The following CFAP299 variants were observed in gnomAD, a reference collection of about 807,000 sequenced individuals.
CFAP299 encodes cilia- and flagella-associated protein 299.
A neutral mutation model predicts 27.0 loss-of-function variants in CFAP299; 21 were observed. The ratio of observed to expected loss-of-function variants is 0.78; its 90% CI spans 0.55 to 1.12. CFAP299 has a LOEUF of 1.12. Among genes scored for constraint, CFAP299 ranks in the 50% most tolerant of loss-of-function variants. The pLI, the probability that CFAP299 is intolerant of heterozygous loss-of-function variation, is 0.00. For missense variants in CFAP299, 310 were observed against 276.6 expected, an observed-to-expected ratio of 1.12 and a Z score of -0.86; for synonymous variants, 104 against 98.1, an observed-to-expected ratio of 1.06 and a Z score of -0.36.
chr4:80,558,544 A>G lies in CFAP299; in HGVS notation c.243-24549A>G, dbSNP rs147491288. Among the ~76,000 whole-genome samples the G allele has an allele frequency of 2.6e-5, 4 of 151,986 alleles. No individual in the cohort carries two copies. The East Asian group carries it at 5.8e-4, about 22-fold the overall frequency. Reference sequence around the variant, plus strand: ...GAAGGCACAGATCAACACAAACTTGAGGTTAACTCTTGACTCAGAATAGTT... The same window carrying G: ...GAAGGCACAGATCAACACAAACTTGGGGTTAACTCTTGACTCAGAATAGTT... On this transcript the variant is annotated intron_variant, in intron 2 of 5. Coordinates refer to ENST00000358105, the MANE Select transcript of CFAP299 (RefSeq NM_152770.3).
At chr4:80,798,471 G>A (rs1381109026) in intron 3 of CFAP299, among the ~76,000 whole-genome samples, 2 of 152,238 alleles carry the variant, frequency 1.3e-5, no homozygotes, top group South Asian at 4.2e-4. Flanking sequence ...CCCATTCCAT[G>A]TTGGAGGATC....
chr4:80,359,851 A>G (rs1723455605), intron 1 of CFAP299, among the ~76,000 whole-genome samples: 1 of 152,080 alleles, frequency 6.6e-6, no homozygotes, highest in Admixed American at 6.5e-5. Context: ...CCTGTTCACA[A>G]CCCTTGCTGG....
chr4:80,552,847 C>A (rs1425150267), intron 2 of CFAP299, among the ~76,000 whole-genome samples: 1 of 151,994 alleles, frequency 6.6e-6, no homozygotes, highest in Non-Finnish European at 1.5e-5. Flanking sequence ...GCCACCATGT[C>A]CAGCTAATTT....
intron 1 of CFAP299, among the ~76,000 whole-genome samples, chr4:80,351,662 A>G (rs1164465198): frequency 1.3e-5 from 2 of 151,990 alleles, no homozygotes; most frequent in Non-Finnish European, 2.9e-5. Context: ...TCAATTTAAA[A>G]GCAGAGATGG....
chr4:80,556,109 C>T (rs960182320), intron 2 of CFAP299, among the ~76,000 whole-genome samples: 3 of 152,036 alleles, frequency 2.0e-5, no homozygotes, highest in Non-Finnish European at 4.4e-5. Context: ...GCAATCAACT[C>T]CTATTCTACT....
At chr4:80,366,121 T>A (rs892891677) in intron 2 of CFAP299, among the ~76,000 whole-genome samples, 5 of 152,314 alleles carry the variant, frequency 3.3e-5, no homozygotes, top group African/African-American at 1.2e-4. Flanking sequence ...GCAGATGGTG[T>A]CCTAGAGCCA....
intron 4 of CFAP299, among the ~76,000 whole-genome samples, chr4:80,878,353 A>T (rs1390753697): frequency 1.3e-5 from 2 of 151,904 alleles, no homozygotes; most frequent in Non-Finnish European, 2.9e-5. Flanking sequence ...TATTTTCTTT[A>T]TACTGGGAGA....
chr4:80,608,887 GTGTA>G (rs1319708689), intron 3 of CFAP299, among the ~76,000 whole-genome samples: 3 of 140,034 alleles, frequency 2.1e-5, no homozygotes, highest in East Asian at 2.1e-4. Flanking sequence ...GTGTGTGTGT[GTGTA>G]TGTGCACAGA....
intron 2 of CFAP299, among the ~76,000 whole-genome samples, chr4:80,501,797 C>G (rs1731760697): frequency 6.6e-6 from 1 of 151,380 alleles, no homozygotes; most frequent in South Asian, 2.1e-4. Context: ...ATAGGGAAAA[C>G]AAAGCATACA....
At chr4:80,894,772 A>G (rs752060461) in intron 4 of CFAP299, among the ~76,000 whole-genome samples, 19 of 151,868 alleles carry the variant, frequency 1.3e-4, no homozygotes, top group Non-Finnish European at 2.5e-4. Flanking sequence ...TTTCTAAGGT[A>G]CAGATATGTG....
At chr4:80,920,678 A>G (rs939617253) in intron 4 of CFAP299, among the ~76,000 whole-genome samples, 14 of 152,094 alleles carry the variant, frequency 9.2e-5, no homozygotes, top group Non-Finnish European at 1.5e-4. Flanking sequence ...CTTACATGTA[A>G]TGTCCAGAAT....
intron 2 of CFAP299, among the ~76,000 whole-genome samples, chr4:80,540,957 G>A (rs1733968713): frequency 6.6e-6 from 1 of 152,010 alleles, no homozygotes; most frequent in South Asian, 2.1e-4. Flanking sequence ...AATTACCAGA[G>A]CCTCTAACCA....
intron 3 of CFAP299, among the ~76,000 whole-genome samples, chr4:80,665,121 T>C (rs1345272958): frequency 6.6e-6 from 1 of 152,164 alleles, no homozygotes; most frequent in Admixed American, 6.5e-5. Context: ...AGAAATCACC[T>C]ACCTTCTGCA....
At chr4:80,447,140 T>TTTTTG (rs1728668913) in intron 2 of CFAP299, among the ~76,000 whole-genome samples, 2 of 126,530 alleles carry the variant, frequency 1.6e-5, no homozygotes, top group Non-Finnish European at 3.2e-5. Context: ...GTTTTTTTTT[T>TTTTTG]TTTTTTTTTT....
chr4:80,416,292 C>T (rs148101120), intron 2 of CFAP299, among the ~76,000 whole-genome samples: 240 of 152,226 alleles, frequency 1.6e-3, no homozygotes, highest in Middle Eastern at 0.014. Flanking sequence ...AAACATGTTA[C>T]GAATTCATGT....
At chr4:80,697,108 C>T (rs1226453900) in intron 3 of CFAP299, among the ~76,000 whole-genome samples, 1 of 151,936 alleles carries the variant, frequency 6.6e-6, no homozygotes, top group East Asian at 1.9e-4. Flanking sequence ...CTTTGGGAGG[C>T]CAAGGCAGGA....
chr4:80,962,374 C>T (rs1395780521), intron 5 of CFAP299, among the ~76,000 whole-genome samples: 1 of 151,826 alleles, frequency 6.6e-6, no homozygotes, highest in Non-Finnish European at 1.5e-5. Flanking sequence ...CAAAATAGGT[C>T]TCTATACAGG....
At chr4:80,845,358 A>C (rs1210997850) in intron 3 of CFAP299, among the ~76,000 whole-genome samples, 4 of 152,100 alleles carry the variant, frequency 2.6e-5, no homozygotes, top group African/African-American at 9.6e-5. Flanking sequence ...CTGTTGCATA[A>C]AACTGTTCAA....
At chr4:80,541,783 A>T (rs1464542436) in intron 2 of CFAP299, among the ~76,000 whole-genome samples, 1 of 152,164 alleles carries the variant, frequency 6.6e-6, no homozygotes, top group East Asian at 1.9e-4. Flanking sequence ...GATAAATGTT[A>T]TAAGTGCTAT....
Sources: allele counts gnomAD v4.1 joint callset (sites outside exome capture counted in the v4.1 genomes callset), GRCh38; gene constraint gnomAD v4.1.1; transcripts MANE v1.5; gene names NCBI Gene and HGNC (gene_info 2026-07-23, HGNC 2026-07-21).